The following CSMD1 variants were observed in gnomAD, a reference collection of about 807,000 sequenced individuals.
The protein encoded by CSMD1 is CUB and Sushi multiple domains 1, also known as CUB and sushi domain-containing protein 1.
Under a neutral mutation model 417.5 loss-of-function variants are expected in CSMD1, and 213 were observed. That is an observed-to-expected ratio of 0.51 (90% CI 0.46 to 0.57). The LOEUF (loss-of-function observed/expected upper bound fraction) is 0.57, where lower values mean the gene tolerates loss of function less well. CSMD1 is among the 20% of genes least tolerant of loss of function. The probability of loss-of-function intolerance (pLI) is 0.00; values close to 1 mark genes in which losing one functional copy is unlikely to be tolerated. For missense variants in CSMD1, 6,923 were observed against 4,529.7 expected, an observed-to-expected ratio of 1.53 and a Z score of -15.17; for synonymous variants, 2,862 against 1,736.8, an observed-to-expected ratio of 1.65 and a Z score of -16.11.
chr8:4,009,413 T>C (rs1019747883), intron 4 of CSMD1, among the ~76,000 whole-genome samples: 4 of 152,006 alleles, frequency 2.6e-5, no homozygotes, highest in South Asian at 2.1e-4. Context: ...TAAAGAAAAA[T>C]TGAAATAATC....
chr8:4,077,526 C>A (rs1799898591), intron 3 of CSMD1, among the ~76,000 whole-genome samples: 1 of 151,948 alleles, frequency 6.6e-6, no homozygotes, highest in Non-Finnish European at 1.5e-5. Context: ...TACCATCACA[C>A]TGAAGTCACT....
chr8:4,115,109 C>G (rs1294986619), intron 3 of CSMD1, among the ~76,000 whole-genome samples: 1 of 152,108 alleles, frequency 6.6e-6, no homozygotes, highest in Non-Finnish European at 1.5e-5. Flanking sequence ...AGAGATAAAT[C>G]TTTCATGAAA....
rs943965711 is a variant in CSMD1 at position 4,319,412 on chromosome 8, C to T, written c.415+100541G>A. 5.9e-5 allele frequency among the ~76,000 whole-genome samples: 9 copies of T among 152,090 alleles called. No individual in the cohort carries two copies. In the East Asian group the frequency reaches 7.7e-4, roughly 13 times the overall value. On this transcript the variant is annotated intron_variant, in intron 3 of 69. Coordinates refer to ENST00000635120, the MANE Select transcript of CSMD1 (RefSeq NM_033225.6). ...CTGGGGCCCATAATCGATACGTGAG[C>T]CCTAACCAATATACCTACACTTCTT...
intron 2 of CSMD1, among the ~76,000 whole-genome samples, chr8:4,563,521 CA>C (rs1369793027): frequency 6.6e-6 from 1 of 152,210 alleles, no homozygotes; most frequent in Non-Finnish European, 1.5e-5. Flanking sequence ...TGCCCTGCCC[CA>C]CGCACTGATA....
intron 33 of CSMD1, among the ~76,000 whole-genome samples, chr8:3,191,106 G>A (rs1196712921): frequency 7.2e-5 from 11 of 152,156 alleles, no homozygotes; most frequent in African/African-American, 1.9e-4. Flanking sequence ...CCTGCTCCAC[G>A]TGCCATCATG....
At chr8:3,501,963 A>G (rs529630240) in intron 10 of CSMD1, among the ~76,000 whole-genome samples, 2 of 152,326 alleles carry the variant, frequency 1.3e-5, no homozygotes, top group South Asian at 4.1e-4. Context: ...TACAACAATC[A>G]TTGCTGATGG....
chr8:4,830,327 C>T (rs1042330486), intron 1 of CSMD1, among the ~76,000 whole-genome samples: 1 of 152,184 alleles, frequency 6.6e-6, no homozygotes, highest in East Asian at 1.9e-4. Flanking sequence ...TTCTCACTGC[C>T]AGCATCTACC....
intron 12 of CSMD1, among the ~76,000 whole-genome samples, chr8:3,463,143 T>A (rs117846592): frequency 2.6e-5 from 4 of 152,178 alleles, no homozygotes; most frequent in Non-Finnish European, 4.4e-5. Flanking sequence ...CCATATTCTG[T>A]TACGGCAACC....
chr8:4,193,711 G>C (rs149618003), intron 3 of CSMD1, among the ~76,000 whole-genome samples: 5 of 152,246 alleles, frequency 3.3e-5, no homozygotes, highest in African/African-American at 7.2e-5. Context: ...ATTTCAAGGC[G>C]CAGGAACCAC....
chr8:2,979,809 A>G (rs563817288), intron 54 of CSMD1, among the ~76,000 whole-genome samples: 1 of 152,354 alleles, frequency 6.6e-6, no homozygotes, highest in Admixed American at 6.5e-5. Flanking sequence ...GAAAGTCTTG[A>G]GTTCTTTTGA....
intron 10 of CSMD1, among the ~76,000 whole-genome samples, chr8:3,526,326 T>C (rs563180210): frequency 1.3e-5 from 2 of 152,140 alleles, no homozygotes; most frequent in Non-Finnish European, 2.9e-5. Context: ...TATTTTTTTT[T>C]TGTGGAAATT....
chr8:4,394,001 C>CAT (rs1010587023), intron 3 of CSMD1, among the ~76,000 whole-genome samples: 1 of 152,182 alleles, frequency 6.6e-6, no homozygotes, highest in African/African-American at 2.4e-5. Context: ...TAGAGCAACA[C>CAT]ATATATAGCA....
At chr8:3,282,247 T>C (rs1057175466) in intron 26 of CSMD1, among the ~76,000 whole-genome samples, 3 of 152,130 alleles carry the variant, frequency 2.0e-5, no homozygotes, top group African/African-American at 4.8e-5. Flanking sequence ...GGTTCATTGA[T>C]TGCAACAAAT....
intron 3 of CSMD1, among the ~76,000 whole-genome samples, chr8:4,057,972 C>T (rs1798784114): frequency 6.6e-6 from 1 of 150,928 alleles, no homozygotes; most frequent in Admixed American, 6.6e-5. Context: ...TAGGGTGATG[C>T]CTCCAGCTTT....
Position 3,716,454 on chromosome 8 carries a change from T to C in CSMD1, c.932-7963A>G, listed in dbSNP as rs142232677. ...GTGGATTATTCATGCCTCCCTTTTT[T>C]AGACCATATAGAGTAACTTTGTGAT... On this transcript the variant is annotated intron_variant, in intron 6 of 69. Transcript: ENST00000635120. 3.9e-3 allele frequency among the ~76,000 whole-genome samples: 596 copies of C among 152,334 alleles called. 7 individuals are homozygous for C. The highest frequency in any genetic ancestry group is 0.013 in the African/African-American group (558 of 41,582).
At chr8:3,791,093 A>C (rs1160000182) in intron 5 of CSMD1, among the ~76,000 whole-genome samples, 2 of 152,216 alleles carry the variant, frequency 1.3e-5, no homozygotes, top group Non-Finnish European at 2.9e-5. Flanking sequence ...TCATAAAATC[A>C]GTGTGATGGA....
intron 1 of CSMD1, among the ~76,000 whole-genome samples, chr8:4,676,318 T>C (rs941178275): frequency 3.9e-5 from 6 of 152,116 alleles, no homozygotes; most frequent in African/African-American, 1.4e-4. Flanking sequence ...TGCCAAACAC[T>C]GAAACAGAAG....
intron 5 of CSMD1, among the ~76,000 whole-genome samples, chr8:3,773,251 T>C (rs1245504869): frequency 1.3e-5 from 2 of 152,198 alleles, no homozygotes; most frequent in Non-Finnish European, 2.9e-5. Context: ...GCTTGTGTTT[T>C]AGATTCTCCA....
chr8:3,661,141 C>T (rs1389431356), intron 7 of CSMD1, among the ~76,000 whole-genome samples: 6 of 152,150 alleles, frequency 3.9e-5, no homozygotes, highest in African/African-American at 7.2e-5. Context: ...AGGAGAACTC[C>T]GTACTTTCGT....
Sources: gnomAD v4.1 joint callset for allele counts (sites outside exome capture counted in the v4.1 genomes callset) on GRCh38, gnomAD v4.1.1 for gene constraint, MANE v1.5 for transcripts, NCBI Gene and HGNC (gene_info 2026-07-23, HGNC 2026-07-21) for gene names.